The following AVL9 variants were observed in gnomAD, a reference collection of about 807,000 sequenced individuals.
AVL9 encodes late secretory pathway protein AVL9 homolog.
AVL9 carries 49 observed loss-of-function variants against 79.2 expected under a neutral mutation model. The observed-to-expected ratio is 0.62, with a 90% confidence interval of 0.49 to 0.79. The LOEUF (loss-of-function observed/expected upper bound fraction) is 0.79, where lower values mean the gene tolerates loss of function less well. AVL9 is among the 30% of genes least tolerant of loss of function. The pLI is 0.00. For missense variants in AVL9, 682 were observed against 776.8 expected (o/e 0.88, Z 1.45); for synonymous variants, 299 against 280.6 (o/e 1.07, Z -0.65).
chr7:32,565,559 CAA>C (rs56944092), intron 10 of AVL9, among the ~76,000 whole-genome samples: 2 of 141,078 alleles, frequency 1.4e-5, no homozygotes, highest in Non-Finnish European at 3.1e-5. Flanking sequence ...AACTCCGTCT[CAA>C]AAAAAAAAAA....
intron 13 of AVL9, among the ~76,000 whole-genome samples, chr7:32,576,277 G>C (rs1007847255): frequency 2.0e-4 from 31 of 152,186 alleles, no homozygotes; most frequent in African/African-American, 7.5e-4. Flanking sequence ...TGAGCATTAT[G>C]GGAAGCACTA....
chr7:32,500,898 C>A (rs1223052233), intron 1 of AVL9, among the ~76,000 whole-genome samples: 1 of 152,128 alleles, frequency 6.6e-6, no homozygotes, highest in Admixed American at 6.5e-5. Flanking sequence ...TCAGGTTTGT[C>A]AAAGAGCAGA....
At chr7:32,571,054 AC>A (rs1790817867) in intron 11 of AVL9, among the ~76,000 whole-genome samples, 1 of 148,208 alleles carries the variant, frequency 6.7e-6, no homozygotes, top group South Asian at 2.2e-4. Context: ...ACATGGTGAA[AC>A]CCCATGTCTA....
intron 1 of AVL9, among the ~76,000 whole-genome samples, chr7:32,497,931 G>A (rs1482566213): frequency 1.3e-5 from 2 of 151,978 alleles, no homozygotes; most frequent in African/African-American, 2.4e-5. Context: ...GATTACAGGC[G>A]TGAGCCACCA....
chr7:32,518,355 AAATGT>A (rs1787998107), intron 1 of AVL9, among the ~76,000 whole-genome samples: 1 of 152,240 alleles, frequency 6.6e-6, no homozygotes, highest in Non-Finnish European at 1.5e-5. Context: ...ATAATTAGTT[AAATGT>A]AATGGAATAA....
intron 1 of AVL9, among the ~76,000 whole-genome samples, chr7:32,506,032 G>A (rs903653607): frequency 1.3e-5 from 2 of 151,680 alleles, no homozygotes; most frequent in South Asian, 2.1e-4. Flanking sequence ...TATCCATGAG[G>A]GTCACCATGC....
At chr7:32,551,605 C>CTTTTTTT (rs60271681) in intron 5 of AVL9, among the ~76,000 whole-genome samples, 182 bp downstream of exon 5, 1,972 of 93,672 alleles carry the variant, frequency 0.021, 259 homozygotes, top group African/African-American at 0.081. Context: ...TTTAACCAAA[C>CTTTTTTT]TTTTTTTTTT....
intron 13 of AVL9, among the ~76,000 whole-genome samples, chr7:32,579,166 T>C (rs1791234579): frequency 6.7e-6 from 1 of 148,806 alleles, no homozygotes; most frequent in Non-Finnish European, 1.5e-5. Flanking sequence ...TGTTAGACCT[T>C]GACAGAGGGA....
In AVL9 at chr7:32,495,771, T is replaced by G. The variant is rs1327589039; in HGVS notation, c.62T>G (p.Val21Gly). The G allele has an allele frequency of 1.6e-6, 2 of 1,259,584 alleles. No individual in the cohort carries two copies. Among genetic ancestry groups the G allele is most frequent in the Non-Finnish European group, 2.0e-6 (2 of 992,318 alleles). 78.0% of individuals were successfully genotyped at this position (1,259,584 alleles called of 1,614,324 possible). ...VPRGPVLHIVVVGFHHKKGCQ... is the reference protein window; with the variant it reads ...VPRGPVLHIVGVGFHHKKGCQ... Reference sequence around the variant, plus strand: ...CGGGGGCCCGTACTGCACATCGTGGTGGTCGGATTTCACCACAAGAAGGGC... The same window carrying G: ...CGGGGGCCCGTACTGCACATCGTGGGGGTCGGATTTCACCACAAGAAGGGC... The change falls in exon 1 of 16, where the codon GTG becomes GGG. Residue 21 changes from valine to glycine, a missense_variant. By Grantham distance (109) the Val-to-Gly change is moderately radical. Transcript: ENST00000318709.
intron 2 of AVL9, among the ~76,000 whole-genome samples, chr7:32,544,373 G>A (rs1789371164): frequency 1.3e-5 from 2 of 152,186 alleles, no homozygotes; most frequent in South Asian, 4.1e-4. Flanking sequence ...AGGTTCGTGT[G>A]TTGCTGTTGG....
chr7:32,530,072 C>T lies in AVL9; in HGVS notation c.94-13069C>T, dbSNP rs200179758. ...TTTGGTTATGACAAATAAGACAAAA[C>T]ACATTCTATTTTAAAAGATTTTTTT... On this transcript the variant is annotated intron_variant, in intron 1 of 15. Coordinates refer to ENST00000318709, the MANE Select transcript of AVL9 (RefSeq NM_015060.3). Among the ~76,000 whole-genome samples, 6 of 152,104 alleles carry T rather than the reference C, an allele frequency of 3.9e-5. No homozygotes were observed. The East Asian group carries it at 7.7e-4, about 20-fold the overall frequency.
rs199502768 is a variant in AVL9, at chr7:32,556,517, G to GTAAA, written c.609+1923_609+1926dup. ...TGACAGAGCGAGACTCCATCTCAAA[G>GTAAA]TAAATGAATGAATGAATGAATGAAT... On this transcript the variant is annotated intron_variant, in intron 8 of 15. Transcript: ENST00000318709. 2.8e-3 allele frequency among the ~76,000 whole-genome samples: 409 copies of GTAAA among 147,010 alleles called. 3 individuals carry two copies. The highest frequency in any genetic ancestry group is 0.015 in the South Asian group (71 of 4,670).
At chr7:32,573,965 G>A (rs1263261760) in intron 12 of AVL9, among the ~76,000 whole-genome samples, 3 of 152,138 alleles carry the variant, frequency 2.0e-5, no homozygotes, top group Non-Finnish European at 4.4e-5. Context: ...AGTTACTCCT[G>A]CATTAAAACT....
chr7:32,519,537 A>C, intron 1 of AVL9, among the ~76,000 whole-genome samples: 1 of 152,206 alleles, frequency 6.6e-6, no homozygotes, highest in East Asian at 1.9e-4. Context: ...TTAATTTGGT[A>C]AACTTAATCT....
chr7:32,516,461 C>G (rs994324320), intron 1 of AVL9, among the ~76,000 whole-genome samples: 1 of 152,066 alleles, frequency 6.6e-6, no homozygotes, highest in African/African-American at 2.4e-5. Flanking sequence ...AATGAGTTTC[C>G]TCAGCTCCCT....
intron 1 of AVL9, among the ~76,000 whole-genome samples, chr7:32,497,280 G>A (rs565456475): frequency 3.9e-5 from 6 of 152,110 alleles, no homozygotes; most frequent in East Asian, 1.9e-4. Flanking sequence ...GCTTGAAGCC[G>A]GGAGGCAGAG....
chr7:32,511,047 G>A (rs1357866416), intron 1 of AVL9, among the ~76,000 whole-genome samples: 3 of 145,226 alleles, frequency 2.1e-5, no homozygotes, highest in African/African-American at 7.5e-5. Flanking sequence ...GAGCCGTCAG[G>A]TCTGGTTGTG....
chr7:32,580,361 C>T, intron 14 of AVL9, 89 bp downstream of exon 14: 1 of 1,012,272 alleles, frequency 9.9e-7, no homozygotes, highest in South Asian at 1.4e-5. Flanking sequence ...TTTTTCTCTA[C>T]TTGATAGACT....
intron 1 of AVL9, among the ~76,000 whole-genome samples, chr7:32,507,181 C>A (rs907620857): frequency 6.6e-6 from 1 of 151,996 alleles, no homozygotes; most frequent in Admixed American, 6.6e-5. Context: ...CTTGTCCCTC[C>A]CACCCAGAAT....
Sources: gnomAD v4.1 joint callset for allele counts (sites outside exome capture counted in the v4.1 genomes callset) on GRCh38, gnomAD v4.1.1 for gene constraint, MANE v1.5 for transcripts, NCBI Gene and HGNC (gene_info 2026-07-23, HGNC 2026-07-21) for gene names.